Variants in ASTN2 observed in about 807,000 individuals in gnomAD.
ASTN2 encodes the protein astrotactin-2.
A neutral mutation model predicts 139.8 loss-of-function variants in ASTN2; 54 were observed. The ratio of observed to expected loss-of-function variants is 0.39; its 90% confidence interval spans 0.31 to 0.48. The LOEUF (loss-of-function observed/expected upper bound fraction) is 0.48, where lower values mean the gene tolerates loss of function less well. Ranked by LOEUF, ASTN2 falls within the 20% of genes least tolerant of loss-of-function variation. ASTN2 has a pLI of 0.95. For missense variants in ASTN2, 1,565 were observed against 1,725.1 expected (o/e 0.91, Z 1.64); for synonymous variants, 756 against 719.5 (o/e 1.05, Z -0.81).
chr9:117,355,300 T>A (rs570479156), intron 1 of ASTN2, among the ~76,000 whole-genome samples: 1 of 152,358 alleles, frequency 6.6e-6, no homozygotes, highest in African/African-American at 2.4e-5. Flanking sequence ...CAAACCCATA[T>A]TCAGAGTTTC....
Position 116,976,208 on chromosome 9 carries a change from G to T in ASTN2, c.1677-20C>A. 1 of 1,607,642 alleles carries T rather than the reference G, an allele frequency of 6.2e-7. No homozygotes were observed. Among genetic ancestry groups the T allele is most frequent in the South Asian group, 1.1e-5 (1 of 90,828 alleles). ...CAAGGTCTATGGGAAGAAGGAGAGGGGAGAGAAGATGACATTAGTCAGAGG... is the reference window on the plus strand; with the variant it reads ...CAAGGTCTATGGGAAGAAGGAGAGGTGAGAGAAGATGACATTAGTCAGAGG... On this transcript the variant is annotated intron_variant, in intron 8 of 22. Transcript: ENST00000313400.
intron 10 of ASTN2, among the ~76,000 whole-genome samples, chr9:116,912,783 G>T (rs1229423535): frequency 6.6e-6 from 1 of 152,162 alleles, no homozygotes; most frequent in African/African-American, 2.4e-5. Context: ...GGCTCGTGAG[G>T]TGGGTTCACT....
intron 4 of ASTN2, among the ~76,000 whole-genome samples, chr9:117,110,218 T>C (rs997402779): frequency 2.6e-5 from 4 of 152,160 alleles, no homozygotes; most frequent in Non-Finnish European, 5.9e-5. Context: ...CAGTGCAAAT[T>C]TATACGGTCC....
chr9:116,814,365 C>A (rs905194977), intron 12 of ASTN2, among the ~76,000 whole-genome samples: 1 of 152,004 alleles, frequency 6.6e-6, no homozygotes, highest in East Asian at 1.9e-4. Flanking sequence ...GTTCTCTGAG[C>A]GGTCTTGGGT....
chr9:117,149,129 C>T (rs1010116965), intron 3 of ASTN2, among the ~76,000 whole-genome samples: 43 of 152,070 alleles, frequency 2.8e-4, no homozygotes, highest in African/African-American at 9.2e-4. Context: ...AAGTGATTCT[C>T]GTGCCTCAGA....
intron 3 of ASTN2, among the ~76,000 whole-genome samples, chr9:117,175,044 T>A (rs1222308596): frequency 2.0e-5 from 3 of 152,056 alleles, no homozygotes; most frequent in Admixed American, 1.3e-4. Context: ...TGGCAAATTA[T>A]GTCATTTTTT....
Position 116,651,775 on chromosome 9 carries a change from C to T in ASTN2, c.2825G>A (p.Ser942Asn). Residue 942 changes from serine (S) to asparagine (N), a missense_variant, in exon 17 of 23, where the codon AGC (serine) becomes AAC (asparagine). Coordinates refer to ENST00000313400, the MANE Select transcript of ASTN2 (RefSeq NM_001365068.1). The part of the protein sequence containing the change: ...QYQKETTELG[S>N]KKELKSMPFI... ...GGGCATGGACTTGAGCTCCTTCTTG[C>T]TGCCCAGCTCTGTGGTCTCTGGAGA... The T allele has an allele frequency of 6.2e-7, 1 of 1,613,780 alleles. No individual in the cohort carries two copies. The highest frequency in any genetic ancestry group is 8.5e-7 in the Non-Finnish European group (1 of 1,179,742).
chr9:116,723,616 T>G (rs1487872003), intron 16 of ASTN2, among the ~76,000 whole-genome samples: 2 of 152,204 alleles, frequency 1.3e-5, no homozygotes, highest in Non-Finnish European at 2.9e-5. Flanking sequence ...TAGCTATCTT[T>G]AAGTCCAAAG....
chr9:117,414,364 C>A lies in ASTN2; in HGVS notation c.442+133G>T. The A allele has an allele frequency of 7.2e-7, 1 of 1,390,698 alleles. No homozygotes were observed. Among genetic ancestry groups the A allele is most frequent in the Non-Finnish European group, 9.5e-7 (1 of 1,056,134 alleles). 86.1% of individuals were successfully genotyped at this position (1,390,698 alleles called of 1,614,324 possible). On this transcript the variant is annotated intron_variant, in intron 1 of 22. Coordinates refer to ENST00000313400, the MANE Select transcript of ASTN2 (RefSeq NM_001365068.1). The surrounding 1 kb of genome is among the most constrained non-coding windows in gnomAD (Gnocchi z 4.2). ...CCAACCACCTGTGCGACCTCTGGGC[C>A]CCTCCTCTACCCTCTGCCAACCCCA... is the stretch of plus-strand genomic sequence containing the variant.
chr9:117,116,052 A>G (rs1441607808), intron 4 of ASTN2, among the ~76,000 whole-genome samples: 1 of 150,950 alleles, frequency 6.6e-6, no homozygotes, highest in African/African-American at 2.4e-5. Context: ...ATATATATAT[A>G]TTGCTCCCAT....
At chr9:116,859,949 A>C (rs575346376) in intron 11 of ASTN2, among the ~76,000 whole-genome samples, 3 of 152,344 alleles carry the variant, frequency 2.0e-5, no homozygotes, top group African/African-American at 7.2e-5. Context: ...AGGCTGGAAA[A>C]ACTAGCTGAC....
At chr9:116,756,070 T>C (rs1829524368) in intron 13 of ASTN2, among the ~76,000 whole-genome samples, 1 of 152,248 alleles carries the variant, frequency 6.6e-6, no homozygotes, top group Admixed American at 6.5e-5. Context: ...TTTGTTACAG[T>C]AGCCATGTAA....
chr9:116,648,142 T>C (rs147866354), intron 17 of ASTN2, among the ~76,000 whole-genome samples: 18 of 152,056 alleles, frequency 1.2e-4, no homozygotes, highest in African/African-American at 4.1e-4. Context: ...GCTGGGATTA[T>C]AGGTGCATGC....
At chr9:117,282,590 C>G (rs895130360) in intron 2 of ASTN2, among the ~76,000 whole-genome samples, 8 of 152,334 alleles carry the variant, frequency 5.3e-5, no homozygotes, top group Admixed American at 5.2e-4. Context: ...ACACCCCTGC[C>G]ATTGGCTCTG....
At chr9:117,293,471 C>T (rs988773518) in intron 1 of ASTN2, among the ~76,000 whole-genome samples, 9 of 152,170 alleles carry the variant, frequency 5.9e-5, no homozygotes, top group Non-Finnish European at 1.3e-4. Flanking sequence ...CAAACACATG[C>T]TTGGGCTTCC....
At chr9:116,642,132 C>CAAAAAAAAAAAAAAAA (rs1252642911) in intron 17 of ASTN2, among the ~76,000 whole-genome samples, 38 of 48,926 alleles carry the variant, frequency 7.8e-4, no homozygotes, top group African/African-American at 2.7e-3. Flanking sequence ...TCCCAACCCA[C>CAAAAAAAAAAAAAAAA]AAAAAAAAAA....
At chr9:116,882,763 G>C (rs1320084075) in intron 10 of ASTN2, among the ~76,000 whole-genome samples, 1 of 151,860 alleles carries the variant, frequency 6.6e-6, no homozygotes, top group African/African-American at 2.4e-5. Flanking sequence ...GGAGTTCAAG[G>C]CTACAGTGAG....
In ASTN2 at chr9:116,586,937, G is replaced by A. The variant is rs141902040; in HGVS notation, c.3355+31387C>T. Among the ~76,000 whole-genome samples the A allele has an allele frequency of 7.2e-5, 11 of 151,960 alleles. No individual in the cohort carries two copies. In the East Asian group the frequency reaches 1.6e-3, roughly 21 times the overall value. On this transcript the variant is annotated intron_variant, in intron 19 of 22. Coordinates refer to ENST00000313400, the MANE Select transcript of ASTN2 (RefSeq NM_001365068.1). ...CTGACAGTGACTTTGAGTTTAGAGAGGAGCCACGCTCTCAAGTTGAAGATT... is the reference window on the plus strand; with the variant it reads ...CTGACAGTGACTTTGAGTTTAGAGAAGAGCCACGCTCTCAAGTTGAAGATT...
At position 116,731,223 on chromosome 9, in the gene ASTN2, A is replaced by ATAATAC. The variant is rs1554739154; in HGVS notation, c.2522-2128_2522-2127insGTATTA. Among the ~76,000 whole-genome samples the ATAATAC allele has an allele frequency of 3.9e-5, 5 of 127,450 alleles. No homozygotes were observed. The East Asian group carries it at 6.8e-4, about 17-fold the overall frequency. 83.6% of individuals were successfully genotyped at this position (127,450 alleles called of 152,430 possible). A position where few individuals can be genotyped will look rare whatever the true frequency, so the allele number is the denominator to read the frequency against. Reference sequence around the variant, plus strand: ...AATAATAATAATAATAATAATAATAATAAATCTTTTGAAATGCAACAGTTC... The same window carrying ATAATAC: ...AATAATAATAATAATAATAATAATAATAATACTAAATCTTTTGAAATGCAACAGTTC... On this transcript the variant is annotated intron_variant, in intron 14 of 22. Coordinates refer to ENST00000313400, the MANE Select transcript of ASTN2 (RefSeq NM_001365068.1).
Sources: gnomAD v4.1 joint callset for allele counts (sites outside exome capture counted in the v4.1 genomes callset) on GRCh38, gnomAD v4.1.1 for gene constraint, Gnocchi (gnomAD v3.1) non-coding constraint, MANE v1.5 for transcripts, NCBI Gene and HGNC (gene_info 2026-07-23, HGNC 2026-07-21) for gene names.